The following BMPER variants were observed in gnomAD, a reference collection of about 807,000 sequenced individuals.
BMPER encodes BMP binding endothelial regulator.
BMPER carries 45 observed loss-of-function variants against 87.3 expected under a neutral mutation model. That is an observed-to-expected ratio of 0.52 (90% CI 0.41 to 0.66). BMPER has a LOEUF of 0.66. BMPER is among the 30% of genes least tolerant of loss of function. The pLI is 0.00. For synonymous variants in BMPER, 326 were observed against 316.2 expected (o/e 1.03, Z -0.33); for missense variants, 784 against 867.5 (o/e 0.90, Z 1.21).
chr7:34,143,504 C>G (rs1445293592), intron 14 of BMPER, 144 bp downstream of exon 14: 2 of 1,281,062 alleles, frequency 1.6e-6, no homozygotes, highest in African/African-American at 3.0e-5. Flanking sequence ...ATCTGGATTG[C>G]TACTTGATAA....
chr7:34,075,631 G>T (rs781507454), intron 11 of BMPER, among the ~76,000 whole-genome samples: 5 of 152,166 alleles, frequency 3.3e-5, no homozygotes. Context: ...TTTCAGGATG[G>T]TCTATTTCTG....
intron 13 of BMPER, among the ~76,000 whole-genome samples, chr7:34,110,859 A>G (rs1234049278): frequency 6.6e-6 from 1 of 152,240 alleles, no homozygotes; most frequent in African/African-American, 2.4e-5. Flanking sequence ...TACTAATTTT[A>G]GGATTGAGAG....
At chr7:34,033,691 A>G (rs1224119011) in intron 6 of BMPER, among the ~76,000 whole-genome samples, 1 of 152,214 alleles carries the variant, frequency 6.6e-6, no homozygotes, top group Non-Finnish European at 1.5e-5. Context: ...TTTCTGAGGG[A>G]CTTGCCCTTG....
At chr7:34,102,157 C>T (rs532619714) in intron 13 of BMPER, among the ~76,000 whole-genome samples, 1 of 146,148 alleles carries the variant, frequency 6.8e-6, no homozygotes, top group East Asian at 2.0e-4. Flanking sequence ...TTTTTTTTTG[C>T]CACATCTTCC....
rs1422913671 is a variant in BMPER, at chr7:34,055,236, A to G, written c.860A>G (p.Glu287Gly). ...GACCAAGGCCAGGAGGGCTGTTGTG[A>G]AGAGTGCCTCCTACGAGTGCCCCCA... Reference protein sequence around the residue: ...GCDQGQEGCCEECLLRVPPED... With the variant: ...GCDQGQEGCCGECLLRVPPED... Residue 287 changes from glutamate (E) to glycine (G), a missense_variant, in exon 9 of 15, where the codon GAA becomes GGA. Transcript: ENST00000649409. 1.3e-5 allele frequency: 21 copies of G among 1,614,156 alleles called. No individual in the cohort carries two copies. The highest frequency in any genetic ancestry group is 1.8e-5 in the Non-Finnish European group (21 of 1,180,030).
intron 2 of BMPER, among the ~76,000 whole-genome samples, chr7:33,907,845 T>C (rs917052820): frequency 6.6e-6 from 1 of 152,194 alleles, no homozygotes; most frequent in African/African-American, 2.4e-5. Flanking sequence ...GAGAAGGAAT[T>C]CATTTCGGTT....
intron 6 of BMPER, among the ~76,000 whole-genome samples, chr7:34,024,648 A>T (rs950091286): frequency 4.0e-5 from 6 of 151,156 alleles, no homozygotes; most frequent in Admixed American, 1.3e-4. Flanking sequence ...ATCAGTTTAG[A>T]TATGATCTAT....
At chr7:34,041,944 G>C (rs375848396) in intron 6 of BMPER, among the ~76,000 whole-genome samples, 273 of 152,280 alleles carry the variant, frequency 1.8e-3, no homozygotes, top group African/African-American at 6.4e-3. Context: ...TTTGGGAGAT[G>C]AGTGCCACAT....
intron 6 of BMPER, among the ~76,000 whole-genome samples, chr7:34,035,831 G>A (rs907084980): frequency 1.3e-5 from 2 of 152,062 alleles, no homozygotes; most frequent in African/African-American, 4.8e-5. Context: ...GAAGCATTGT[G>A]GGAACAAAAT....
In BMPER at chr7:34,054,328, G is replaced by A. The variant is rs555088656; in HGVS notation, c.787-835G>A. ...CACAATGAAAGCAGGGAGATCTACG[G>A]TGAAATATGCATTGTTTGAGAGCTA... On this transcript the variant is annotated intron_variant, in intron 8 of 14. Coordinates refer to ENST00000649409, the MANE Select transcript of BMPER (RefSeq NM_001365308.1). Among the ~76,000 whole-genome samples the A allele has an allele frequency of 5.9e-5, 9 of 152,162 alleles. No homozygotes were observed. The South Asian group carries it at 1.9e-3, about 32-fold the overall frequency.
rs150076333 is a variant in BMPER, at chr7:33,933,916, C to T, written c.220-3373C>T. On this transcript the variant is annotated intron_variant, in intron 2 of 14. Transcript: ENST00000649409. ...CATTGATCCCTCCTCTGTAAGATGG[C>T]GATCATTGGGAATTTTTGGTGAAAA... Among the ~76,000 whole-genome samples, 49 of 152,254 alleles carry T rather than the reference C, an allele frequency of 3.2e-4. 1 individual carries two copies. The highest frequency in any genetic ancestry group is 2.7e-3 in the Admixed American group (42 of 15,296).
intron 11 of BMPER, among the ~76,000 whole-genome samples, chr7:34,072,138 C>G (rs1012931797): frequency 6.6e-6 from 1 of 152,150 alleles, no homozygotes; most frequent in Non-Finnish European, 1.5e-5. Context: ...ATACAATGTG[C>G]ACAGACATAG....
chr7:33,991,283 A>G (rs894082791), intron 6 of BMPER, among the ~76,000 whole-genome samples: 9 of 151,622 alleles, frequency 5.9e-5, no homozygotes, highest in Non-Finnish European at 1.2e-4. Context: ...GGTTATTGCC[A>G]CAATTTTAGT....
chr7:33,923,751 C>A (rs1193702811), intron 2 of BMPER, among the ~76,000 whole-genome samples: 1 of 152,206 alleles, frequency 6.6e-6, no homozygotes, highest in Admixed American at 6.5e-5. Flanking sequence ...TAAGGACTCA[C>A]ATATGGCGCT....
Position 34,140,663 on chromosome 7 carries a change from A to G in BMPER, c.1746-2567A>G, listed in dbSNP as rs539355552. Among the ~76,000 whole-genome samples, 583 of 152,238 alleles carry G rather than the reference A, an allele frequency of 3.8e-3. 15 individuals are homozygous for G. Among genetic ancestry groups the G allele is most frequent in the Admixed American group, 0.035 (529 of 15,302 alleles). The stretch of plus-strand genomic sequence containing the variant: ...TTCTCTCAACAGTCTCAATGATTGG[A>G]TTTAGCTGTCTGTAATTTATCTTCA... On this transcript the variant is annotated intron_variant, in intron 13 of 14. Coordinates refer to ENST00000649409, the MANE Select transcript of BMPER (RefSeq NM_001365308.1).
In BMPER at chr7:34,046,376, C is replaced by T; in HGVS notation, c.647C>T (p.Pro216Leu). Residue 216 changes from proline (P) to leucine (L), a missense_variant, in exon 7 of 15, where the codon CCC (proline) becomes CTC (leucine). Transcript: ENST00000649409. ...TGTCCCCAGCACCTTAGTCACATAC[C>T]CCCAGGACAGTGCTGCCCCAAATGT... ...LSCPQHLSHI[P>L]PGQCCPKCLG... 4 of 1,613,924 alleles carry T rather than the reference C, an allele frequency of 2.5e-6. No homozygotes were observed. Among genetic ancestry groups the T allele is most frequent in the Non-Finnish European group, 3.4e-6 (4 of 1,179,914 alleles).
intron 6 of BMPER, among the ~76,000 whole-genome samples, chr7:34,042,257 G>A (rs1467673422): frequency 2.0e-5 from 3 of 152,094 alleles, no homozygotes; most frequent in Non-Finnish European, 4.4e-5. Context: ...TATGCAATTT[G>A]AACAAATGAC....
At chr7:33,975,711 A>G (rs768103773) in intron 6 of BMPER, among the ~76,000 whole-genome samples, 21 of 152,170 alleles carry the variant, frequency 1.4e-4, no homozygotes, top group East Asian at 1.9e-4. Context: ...GTGACTCACT[A>G]TGCATCTCAG....
intron 3 of BMPER, among the ~76,000 whole-genome samples, chr7:33,957,911 T>C (rs141987319): frequency 1.3e-5 from 2 of 152,336 alleles, no homozygotes; most frequent in African/African-American, 4.8e-5. Context: ...TCATGCAGGA[T>C]AATGCATTAG....
Sources: gnomAD v4.1 joint callset for allele counts (sites outside exome capture counted in the v4.1 genomes callset) on GRCh38, gnomAD v4.1.1 for gene constraint, MANE v1.5 for transcripts, NCBI Gene and HGNC (gene_info 2026-07-23, HGNC 2026-07-21) for gene names.